Variants in KMT5B observed in about 807,000 individuals in gnomAD.
KMT5B encodes the protein lysine methyltransferase 5B, also known as histone-lysine N-methyltransferase KMT5B.
In KMT5B, 10 loss-of-function variants were observed where a neutral mutation model predicts 83.2. The ratio of observed to expected loss-of-function variants is 0.12; its 90% confidence interval spans 0.07 to 0.20. The LOEUF is 0.20. Ranked by LOEUF, KMT5B falls within the 10% of genes least tolerant of loss-of-function variation. KMT5B has a pLI of 1.00. For synonymous variants in KMT5B, 349 were observed against 388.8 expected, an observed-to-expected ratio of 0.90 and a Z score of 1.20; for missense variants, 753 against 1,067.2, an observed-to-expected ratio of 0.71 and a Z score of 4.10.
intron 3 of KMT5B, 76 bp downstream of exon 3, chr11:68,185,705 A>T (rs1006541844): frequency 1.6e-4 from 225 of 1,415,184 alleles, no homozygotes; most frequent in Non-Finnish European, 1.9e-4. Flanking sequence ...ATTTTGAGCA[A>T]AAGTAAAATT....
At chr11:68,198,245 G>A (rs1591047325) in intron 1 of KMT5B, among the ~76,000 whole-genome samples, 2 of 152,122 alleles carry the variant, frequency 1.3e-5, no homozygotes, top group Admixed American at 6.5e-5. Context: ...TTAGCCAGGC[G>A]TGGTGTCACA....
At chr11:68,186,689 T>A (rs970990077) in intron 2 of KMT5B, among the ~76,000 whole-genome samples, 2 of 152,228 alleles carry the variant, frequency 1.3e-5, no homozygotes, top group Non-Finnish European at 1.5e-5. Context: ...CAGAGCTGAT[T>A]AAGTTTGATG....
At chr11:68,180,023 TAA>T in intron 4 of KMT5B, 107 bp downstream of exon 4, 1 of 1,313,624 alleles carries the variant, frequency 7.6e-7, no homozygotes, top group East Asian at 2.6e-5. Flanking sequence ...TAAAATGTTC[TAA>T]AACTCTAATT....
intron 2 of KMT5B, among the ~76,000 whole-genome samples, chr11:68,188,094 G>A (rs1439190838): frequency 4.0e-5 from 6 of 148,526 alleles, no homozygotes; most frequent in African/African-American, 7.5e-5. Flanking sequence ...ACGCAATCTC[G>A]GCTCACTGCA....
At chr11:68,196,715 C>T (rs772481324) in intron 1 of KMT5B, among the ~76,000 whole-genome samples, 1 of 151,772 alleles carries the variant, frequency 6.6e-6, no homozygotes, top group East Asian at 1.9e-4. Flanking sequence ...TACTGCTTGC[C>T]ATTATACTTT....
At chr11:68,191,054 T>C (rs909409664) in intron 1 of KMT5B, among the ~76,000 whole-genome samples, 1 of 152,136 alleles carries the variant, frequency 6.6e-6, no homozygotes, top group Non-Finnish European at 1.5e-5. Context: ...TGGAGTGCAG[T>C]GGTGTGATTA....
At position 68,159,922 on chromosome 11, in the gene KMT5B, T is replaced by C. The variant is rs116256213; in HGVS notation, c.1175-751A>G. On this transcript the variant is annotated intron_variant, in intron 10 of 10. Coordinates refer to ENST00000304363, the MANE Select transcript of KMT5B (RefSeq NM_017635.5). ...TGAAGGAAGATGCACGCTGCTAGAA[T>C]TGTACACTCTCAGGACAAAGGGAGA... Among the ~76,000 whole-genome samples the C allele has an allele frequency of 1.6e-3, 241 of 152,260 alleles. 1 individual carries two copies. Among genetic ancestry groups the C allele is most frequent in the African/African-American group, 5.1e-3 (211 of 41,548 alleles).
chr11:68,204,489 A>C (rs1354642102), intron 1 of KMT5B, among the ~76,000 whole-genome samples: 1 of 152,092 alleles, frequency 6.6e-6, no homozygotes, highest in Non-Finnish European at 1.5e-5. Flanking sequence ...GCTGCAGCCC[A>C]CCAGAGGCTG....
At chr11:68,183,946 C>A (rs1857192652) in intron 3 of KMT5B, among the ~76,000 whole-genome samples, 1 of 152,116 alleles carries the variant, frequency 6.6e-6, no homozygotes, top group African/African-American at 2.4e-5. Context: ...AGGCATGAGC[C>A]ACTGCGCCCA....
At chr11:68,196,964 G>C (rs1199647704) in intron 1 of KMT5B, among the ~76,000 whole-genome samples, 1 of 151,898 alleles carries the variant, frequency 6.6e-6, no homozygotes, top group Admixed American at 6.6e-5. Flanking sequence ...GTTATCCATG[G>C]AGAGTCTTTT....
At chr11:68,163,234 T>A (rs553429267) in intron 10 of KMT5B, among the ~76,000 whole-genome samples, 60 of 152,262 alleles carry the variant, frequency 3.9e-4, no homozygotes, top group African/African-American at 1.4e-3. Flanking sequence ...ACATGCTAGG[T>A]GCTGTGCAAA....
intron 10 of KMT5B, chr11:68,166,669 G>A (rs564810286): frequency 2.9e-4 from 320 of 1,120,164 alleles, no homozygotes; most frequent in Middle Eastern, 7.9e-4. Context: ...AGGACTTAGC[G>A]ACATCATCAC....
Position 68,185,949 on chromosome 11 carries a change from A to G in KMT5B, c.161-21T>C, listed in dbSNP as rs772457794. On this transcript the variant is annotated intron_variant, in intron 2 of 10. Transcript: ENST00000304363. ...ATTACCTGTGAAAAGCAAAAGCAAG[A>G]AAAATTACTCAAATTGAAAACTACT... The G allele has an allele frequency of 1.4e-5, 22 of 1,560,456 alleles. No individual in the cohort carries two copies. In the South Asian group the frequency reaches 2.6e-4, roughly 19 times the overall value.
intron 1 of KMT5B, among the ~76,000 whole-genome samples, chr11:68,196,679 A>C (rs1411308586): frequency 1.3e-5 from 2 of 151,946 alleles, no homozygotes; most frequent in Non-Finnish European, 1.5e-5. Context: ...GGCAGGAATC[A>C]CAGCTGCTAC....
intron 10 of KMT5B, among the ~76,000 whole-genome samples, chr11:68,161,974 C>T (rs1391495526): frequency 2.0e-5 from 3 of 152,164 alleles, no homozygotes; most frequent in Non-Finnish European, 2.9e-5. Flanking sequence ...CGTCCCCTTT[C>T]GAGGTCTCCA....
At position 68,190,101 on chromosome 11, in the gene KMT5B, G is replaced by C; in HGVS notation, c.-25C>G. ...TACCCACAGACAGCCTGACCCAGGT[G>C]CATTTAGTCACTCTCTTCAAATAGC... On this transcript the variant is annotated 5_prime_UTR_variant, in exon 2 of 11. Coordinates refer to ENST00000304363, the MANE Select transcript of KMT5B (RefSeq NM_017635.5). 1 of 1,607,942 alleles carries C rather than the reference G, an allele frequency of 6.2e-7. No homozygotes were observed. The highest frequency in any genetic ancestry group is 8.5e-7 in the Non-Finnish European group (1 of 1,175,954).
intron 4 of KMT5B, chr11:68,179,854 A>G (rs2153060904): frequency 2.5e-6 from 1 of 405,122 alleles, no homozygotes; most frequent in East Asian, 5.2e-5. Flanking sequence ...AGAACCAAAA[A>G]CATACCTGGC....
At chr11:68,162,629 T>A (rs542786556) in intron 10 of KMT5B, among the ~76,000 whole-genome samples, 2 of 152,232 alleles carry the variant, frequency 1.3e-5, no homozygotes, top group African/African-American at 4.8e-5. Context: ...CCCCATCCCA[T>A]CCCTCCTTCC....
chr11:68,159,941 A>C (rs1854711142), intron 10 of KMT5B, among the ~76,000 whole-genome samples: 1 of 152,236 alleles, frequency 6.6e-6, no homozygotes, highest in Non-Finnish European at 1.5e-5. Flanking sequence ...CTCAGGACAA[A>C]GGGAGATCCA....
Sources: allele counts gnomAD v4.1 joint callset (sites outside exome capture counted in the v4.1 genomes callset), GRCh38; gene constraint gnomAD v4.1.1; transcripts MANE v1.5; gene names NCBI Gene and HGNC (gene_info 2026-07-23, HGNC 2026-07-21).